The following CNTN6 variants were observed in gnomAD, a reference collection of about 807,000 sequenced individuals.
The protein encoded by CNTN6 is contactin-6.
Under a neutral mutation model 122.8 loss-of-function variants are expected in CNTN6, and 137 were observed. The observed-to-expected ratio is 1.12, with a 90% CI of 0.97 to 1.29. CNTN6 has a LOEUF of 1.29. Among genes scored for constraint, CNTN6 ranks in the 50% most tolerant of loss-of-function variants. The pLI is 0.00. For synonymous variants in CNTN6, 570 were observed against 426.0 expected, an observed-to-expected ratio of 1.34 and a Z score of -4.16; for missense variants, 1,634 against 1,223.4, an observed-to-expected ratio of 1.34 and a Z score of -5.01.
chr3:1,331,899 C>G (rs1372951225), intron 11 of CNTN6, among the ~76,000 whole-genome samples: 1 of 151,388 alleles, frequency 6.6e-6, no homozygotes, highest in Non-Finnish European at 1.5e-5. Context: ...TTTAAAACAG[C>G]TCTTCAGGTT....
In CNTN6 at chr3:1,094,065, A is replaced by G. The variant is rs147474687; in HGVS notation, c.-83+945A>G. Among the ~76,000 whole-genome samples the G allele has an allele frequency of 1.6e-4, 24 of 152,342 alleles. No homozygotes were observed. The East Asian group carries it at 4.2e-3, about 27-fold the overall frequency. ...ACAGAATCAATTTGGAAAATGAGGT[A>G]TTCATAATTTTATCTACAGTGGCAA... On this transcript the variant is annotated intron_variant, in intron 1 of 22. Coordinates refer to ENST00000446702, the MANE Select transcript of CNTN6 (RefSeq NM_001289080.2).
At chr3:1,269,961 TA>T (rs1304909205) in intron 4 of CNTN6, among the ~76,000 whole-genome samples, 3 of 152,188 alleles carry the variant, frequency 2.0e-5, no homozygotes, top group Admixed American at 2.0e-4. Context: ...CAGGAGCTCT[TA>T]AAATAACTTC....
At chr3:1,171,989 A>G (rs2093365825) in intron 2 of CNTN6, among the ~76,000 whole-genome samples, 2 of 152,302 alleles carry the variant, frequency 1.3e-5, no homozygotes, top group South Asian at 4.1e-4. Flanking sequence ...CTCAGCCTTC[A>G]ATTTCACACC....
Position 1,331,410 on chromosome 3 carries a change from A to T in CNTN6, c.1364+1475A>T, listed in dbSNP as rs931802070. Among the ~76,000 whole-genome samples, 9 of 152,118 alleles carry T rather than the reference A, an allele frequency of 5.9e-5. No homozygotes were observed. The East Asian group carries it at 1.6e-3, about 26-fold the overall frequency. On this transcript the variant is annotated intron_variant, in intron 11 of 22. Coordinates refer to ENST00000446702, the MANE Select transcript of CNTN6 (RefSeq NM_001289080.2). ...TTACAGAAAGGCTGTTCTTGGGGAAATCCCTCAAGACATAGGAACAGGTGC... is the reference window on the plus strand; with the variant it reads ...TTACAGAAAGGCTGTTCTTGGGGAATTCCCTCAAGACATAGGAACAGGTGC...
Position 1,181,425 on chromosome 3 carries a change from T to A in CNTN6, c.55+33362T>A, listed in dbSNP as rs188131353. On this transcript the variant is annotated intron_variant, in intron 2 of 22. Transcript: ENST00000446702. ...TATGCAAGCTGCTTATTATTCCAAA[T>A]CTTAGGGGTTTTTTTGTTATTTCAT... 3.2e-3 allele frequency among the ~76,000 whole-genome samples: 489 copies of A among 152,294 alleles called. 2 individuals carry two copies. Among genetic ancestry groups the A allele is most frequent in the African/African-American group, 0.011 (472 of 41,574 alleles).
At position 1,325,503 on chromosome 3, in the gene CNTN6, T is replaced by A. The variant is rs192899119; in HGVS notation, c.947-312T>A. Among the ~76,000 whole-genome samples the A allele has an allele frequency of 2.3e-3, 344 of 152,012 alleles. 4 individuals carry two copies. Among genetic ancestry groups the A allele is most frequent in the East Asian group, 1.4e-3 (7 of 5,140 alleles). The stretch of plus-strand genomic sequence containing the variant: ...CTAACTTGACCTATGTTCTAATATT[T>A]AGCATGGATTTATTCCCTGGCCCTG... On this transcript the variant is annotated intron_variant, in intron 8 of 22. Transcript: ENST00000446702.
intron 7 of CNTN6, among the ~76,000 whole-genome samples, chr3:1,311,893 A>G (rs1699383636): frequency 6.6e-6 from 1 of 152,034 alleles, no homozygotes; most frequent in South Asian, 2.1e-4. Flanking sequence ...ATATATATTT[A>G]TAGCCAATCT....
At chr3:1,152,555 A>G (rs1191299758) in intron 2 of CNTN6, among the ~76,000 whole-genome samples, 5 of 152,210 alleles carry the variant, frequency 3.3e-5, no homozygotes, top group African/African-American at 7.2e-5. Context: ...AAGAAACCCA[A>G]GATTAACTGA....
intron 2 of CNTN6, among the ~76,000 whole-genome samples, chr3:1,193,070 C>T (rs2093725634): frequency 6.6e-6 from 1 of 152,124 alleles, no homozygotes; most frequent in Admixed American, 6.6e-5. Context: ...CATTAATTTG[C>T]CTGAAGTTGC....
At chr3:1,191,077 C>G (rs1200824463) in intron 2 of CNTN6, among the ~76,000 whole-genome samples, 1 of 152,118 alleles carries the variant, frequency 6.6e-6, no homozygotes, top group African/African-American at 2.4e-5. Flanking sequence ...GTCTCTGTCC[C>G]TGGTTCTAAT....
In CNTN6 at chr3:1,160,431, C is replaced by A. The variant is rs73818457; in HGVS notation, c.55+12368C>A. Reference sequence around the variant, plus strand: ...ATTTCTGGCTTGTTTCATTCAATATCGGGTTTGTGAGATTCATCCAAGTTG... The same window carrying A: ...ATTTCTGGCTTGTTTCATTCAATATAGGGTTTGTGAGATTCATCCAAGTTG... On this transcript the variant is annotated intron_variant, in intron 2 of 22. Transcript: ENST00000446702. Among the ~76,000 whole-genome samples the A allele has an allele frequency of 1.2e-4, 18 of 145,892 alleles. No individual in the cohort carries two copies. In the East Asian group the frequency reaches 3.5e-3, roughly 28 times the overall value.
At chr3:1,315,946 T>C (rs185794771) in intron 7 of CNTN6, among the ~76,000 whole-genome samples, 1 of 152,136 alleles carries the variant, frequency 6.6e-6, no homozygotes, top group Admixed American at 6.6e-5. Context: ...AATCAGTTTG[T>C]ATCAAATGCG....
intron 2 of CNTN6, among the ~76,000 whole-genome samples, chr3:1,212,472 CAT>C (rs1184923341): frequency 1.3e-4 from 20 of 149,644 alleles, no homozygotes; most frequent in Non-Finnish European, 2.7e-4. Context: ...TATATATACA[CAT>C]ACATGTGTGT....
At chr3:1,113,875 A>T (rs980220919) in intron 1 of CNTN6, among the ~76,000 whole-genome samples, 1 of 152,106 alleles carries the variant, frequency 6.6e-6, no homozygotes, top group African/African-American at 2.4e-5. Flanking sequence ...CTCAAATGGT[A>T]GAGGAGAATC....
chr3:1,107,504 AC>A (rs1269102657), intron 1 of CNTN6, among the ~76,000 whole-genome samples: 1 of 152,086 alleles, frequency 6.6e-6, no homozygotes, highest in African/African-American at 2.4e-5. Context: ...AAAACAAATA[AC>A]CTTTCCTCCT....
chr3:1,131,346 A>G (rs557541992), intron 1 of CNTN6, among the ~76,000 whole-genome samples: 17 of 152,242 alleles, frequency 1.1e-4, no homozygotes, highest in Admixed American at 2.6e-4. Context: ...TGATACCAGC[A>G]GGAGCTATAT....
chr3:1,095,131 A>G (rs956076828), intron 1 of CNTN6, among the ~76,000 whole-genome samples: 8 of 151,858 alleles, frequency 5.3e-5, no homozygotes, highest in African/African-American at 1.9e-4. Flanking sequence ...ATAGTCAATA[A>G]TAGATACTCT....
intron 3 of CNTN6, among the ~76,000 whole-genome samples, chr3:1,223,416 A>G (rs2094235586): frequency 6.6e-6 from 1 of 152,230 alleles, no homozygotes; most frequent in Non-Finnish European, 1.5e-5. Context: ...CAATATTAAA[A>G]GCAAACTTTT....
At chr3:1,374,264 T>A (rs932245071) in intron 16 of CNTN6, among the ~76,000 whole-genome samples, 191 bp downstream of exon 16, 7 of 152,072 alleles carry the variant, frequency 4.6e-5, no homozygotes, top group Non-Finnish European at 7.4e-5. Flanking sequence ...GTAGGTTCAA[T>A]AAGAAATGAT....
Sources: allele counts gnomAD v4.1 joint callset (sites outside exome capture counted in the v4.1 genomes callset), GRCh38; gene constraint gnomAD v4.1.1; transcripts MANE v1.5; gene names NCBI Gene and HGNC (gene_info 2026-07-23, HGNC 2026-07-21).